The following POLR1E variants were observed in gnomAD, a reference collection of about 807,000 sequenced individuals.
The protein encoded by POLR1E is DNA-directed RNA polymerase I subunit RPA49.
In POLR1E, 37 loss-of-function variants were observed where a neutral mutation model predicts 50.9. The ratio of observed to expected loss-of-function variants is 0.73; its 90% CI spans 0.56 to 0.96. POLR1E has a LOEUF of 0.96. Ranked by LOEUF, POLR1E falls within the 40% of genes least tolerant of loss-of-function variation. POLR1E has a pLI of 0.00. For missense variants in POLR1E, 426 were observed against 518.1 expected (o/e 0.82, Z 1.73); for synonymous variants, 166 against 191.6 (o/e 0.87, Z 1.10).
chr9:37,490,618 T>C (rs540611933), intron 4 of POLR1E: 155 of 723,912 alleles, frequency 2.1e-4, no homozygotes, highest in Non-Finnish European at 3.5e-4. Context: ...GAGTGCTTAA[T>C]GTGCTCAATA....
rs748539054 is a variant in POLR1E, at chr9:37,503,512, A to G, written c.*310A>G. On this transcript the variant is annotated 3_prime_UTR_variant, in exon 12 of 12. Coordinates refer to ENST00000377798, the MANE Select transcript of POLR1E (RefSeq NM_022490.4). Reference sequence around the variant, plus strand: ...ACGATTACTTGAGCTTGGGAAATCAAGGTTGCAGTGAGCTATGATTGTGTG... The same window carrying G: ...ACGATTACTTGAGCTTGGGAAATCAGGGTTGCAGTGAGCTATGATTGTGTG... The G allele has an allele frequency of 1.3e-4, 27 of 208,386 alleles. No individual in the cohort carries two copies. The highest frequency in any genetic ancestry group is 2.3e-4 in the Non-Finnish European group (24 of 103,642). 12.9% of individuals were successfully genotyped at this position (208,386 alleles called of 1,614,324 possible).
chr9:37,490,928 GA>G, intron 4 of POLR1E: 1 of 451,958 alleles, frequency 2.2e-6, no homozygotes, highest in Non-Finnish European at 4.2e-6. Context: ...AGTTCTGGCC[GA>G]AAGGGTTCTT....
chr9:37,489,365 A>C lies in POLR1E; in HGVS notation c.308A>C (p.Asp103Ala), dbSNP rs748711060. 2 of 1,600,558 alleles carry C rather than the reference A, an allele frequency of 1.2e-6. No homozygotes were observed. The highest frequency in any genetic ancestry group is 1.7e-4 in the Middle Eastern group (1 of 6,036). The change falls in exon 4 of 12, where the codon GAT becomes GCT. Residue 103 changes from aspartate to alanine, a missense_variant. Coordinates refer to ENST00000377798, the MANE Select transcript of POLR1E (RefSeq NM_022490.4). ...ACCTCTGGCCAAATGGAAGTATATG[A>C]TGCTGAATTGTTCAACATGCAGCCA... The part of the protein sequence containing the change: ...NKTSGQMEVY[D>A]AELFNMQPLF...
chr9:37,489,501 T>C (rs1564322500), intron 4 of POLR1E, 101 bp downstream of exon 4: 4 of 743,650 alleles, frequency 5.4e-6, no homozygotes, highest in African/African-American at 1.8e-5. Flanking sequence ...TTTATAGTTA[T>C]TTTAATTTAT....
intron 2 of POLR1E, 31 bp downstream of exon 2, chr9:37,486,837 T>C: frequency 1.3e-6 from 2 of 1,582,350 alleles, no homozygotes; most frequent in Non-Finnish European, 8.6e-7. Flanking sequence ...CTGTCTCCAC[T>C]CTGCAGGGCT....
intron 9 of POLR1E, among the ~76,000 whole-genome samples, chr9:37,499,873 CAG>C (rs113868786): frequency 0.21 from 31,767 of 148,348 alleles, 3,585 homozygotes; most frequent in Admixed American, 0.26. Flanking sequence ...TTTTTTGAGA[CAG>C]AGTCTCGCTC....
At chr9:37,486,572 T>TC in intron 1 of POLR1E, 131 bp from the exon 2 acceptor site, 1 of 1,606,120 alleles carries the variant, frequency 6.2e-7, no homozygotes, top group Middle Eastern at 1.7e-4. Context: ...TCCCTTTGGG[T>TC]CAGGACCCGA....
chr9:37,487,433 T>A (rs1302572328), intron 2 of POLR1E, among the ~76,000 whole-genome samples: 1 of 152,064 alleles, frequency 6.6e-6, no homozygotes, highest in Non-Finnish European at 1.5e-5. Flanking sequence ...AAAAGGATAG[T>A]GAGGACAAAT....
At chr9:37,488,231 G>A (rs149590247) in intron 3 of POLR1E, among the ~76,000 whole-genome samples, 12 of 152,334 alleles carry the variant, frequency 7.9e-5, no homozygotes, top group Non-Finnish European at 5.9e-5. Context: ...TGTGTGACTA[G>A]TAGGTCAAAG....
At chr9:37,486,172 C>G in intron 1 of POLR1E, 49 bp downstream of exon 1, 2 of 1,525,562 alleles carry the variant, frequency 1.3e-6, no homozygotes, top group South Asian at 2.5e-5. Flanking sequence ...TCTCCCCTTC[C>G]GTCTCGGTAC....
chr9:37,489,261 A>G lies in POLR1E; in HGVS notation c.258-54A>G, dbSNP rs34529274. ...AAAAAAAAAAAAAAGAAAGCTGTAC[A>G]AATAATGCTTTTGAATAATCCATTG... On this transcript the variant is annotated intron_variant, in intron 3 of 11. Coordinates refer to ENST00000377798, the MANE Select transcript of POLR1E (RefSeq NM_022490.4). 2.8e-4 allele frequency: 384 copies of G among 1,389,960 alleles called. No homozygotes were observed. The African/African-American group carries it at 4.3e-3, about 16-fold the overall frequency. The allele number at this position is 1,389,960 out of a possible 1,614,324, so 86.1% of individuals were successfully genotyped here.
At chr9:37,499,519 T>G (rs199760407) in intron 9 of POLR1E, among the ~76,000 whole-genome samples, 3 of 93,876 alleles carry the variant, frequency 3.2e-5, no homozygotes, top group Non-Finnish European at 4.9e-5. Flanking sequence ...TTTTTGTTGT[T>G]TTTTTGTTTT....
chr9:37,487,948 A>G lies in POLR1E; in HGVS notation c.257+9A>G, dbSNP rs746117421. On this transcript the variant is annotated intron_variant, in intron 3 of 11. Transcript: ENST00000377798. ...TGCAACACTTTGTGCAGGTAATGGC[A>G]GGGGAAGGGACAGTGGGAAGGGTGA... The G allele has an allele frequency of 3.1e-6, 5 of 1,613,696 alleles. No homozygotes were observed. Among genetic ancestry groups the G allele is most frequent in the Non-Finnish European group, 4.2e-6 (5 of 1,179,738 alleles).
chr9:37,503,283 T>C lies in POLR1E; in HGVS notation c.*81T>C. The C allele has an allele frequency of 6.7e-7, 1 of 1,485,694 alleles. No homozygotes were observed. Among genetic ancestry groups the C allele is most frequent in the East Asian group, 2.3e-5 (1 of 42,820 alleles). 92.0% of individuals were successfully genotyped at this position (1,485,694 alleles called of 1,614,324 possible). On this transcript the variant is annotated 3_prime_UTR_variant, in exon 12 of 12. Transcript: ENST00000377798. ...ATTCATTTCCATTTTTATGTATGTT[T>C]TGAAAAGAAAAGGTCCGGGGATGGT...
rs1480168004 is a variant in POLR1E at position 37,486,132 on chromosome 9, T to G, written c.76+9T>G. 8 of 1,590,086 alleles carry G rather than the reference T, an allele frequency of 5.0e-6. No individual in the cohort carries two copies. The East Asian group carries it at 1.8e-4, about 36-fold the overall frequency. On this transcript the variant is annotated intron_variant, in intron 1 of 11. Transcript: ENST00000377798. ...CCAGAGAGCTGTACTGGGTAAAGAC[T>G]GCGGAGCTGGAGCAGTGCTCCTCTA...
At chr9:37,486,436 T>G in intron 1 of POLR1E, 6 of 1,545,314 alleles carry the variant, frequency 3.9e-6, no homozygotes, top group Non-Finnish European at 5.2e-6. Context: ...TCTGTCACTT[T>G]AGGTATGTAC....
At chr9:37,501,869 C>G in intron 11 of POLR1E, 25 bp downstream of exon 11, 1 of 1,604,822 alleles carries the variant, frequency 6.2e-7, no homozygotes, top group Non-Finnish European at 8.5e-7. Context: ...ATAAAGAGCT[C>G]CCTGCAGGGT....
chr9:37,499,848 C>CTTTTT (rs369146345), intron 9 of POLR1E, among the ~76,000 whole-genome samples: 1 of 135,904 alleles, frequency 7.4e-6, no homozygotes. Flanking sequence ...TTGCTTAGTT[C>CTTTTT]TTTTTTTTTT....
chr9:37,492,753 A>C (rs1820708222), intron 5 of POLR1E, 38 bp downstream of exon 5: 2 of 1,586,376 alleles, frequency 1.3e-6, no homozygotes, highest in Non-Finnish European at 8.6e-7. Context: ...ACCTTAAGCA[A>C]GTTCCTTCTA....
Sources: allele counts gnomAD v4.1 joint callset (sites outside exome capture counted in the v4.1 genomes callset), GRCh38; gene constraint gnomAD v4.1.1; transcripts MANE v1.5; gene names NCBI Gene and HGNC (gene_info 2026-07-23, HGNC 2026-07-21).